The following CNTN5 variants were observed in gnomAD, a reference collection of about 807,000 sequenced individuals.
CNTN5 encodes the protein contactin-5.
Under a neutral mutation model 129.1 loss-of-function variants are expected in CNTN5, and 77 were observed. That is an observed-to-expected ratio of 0.60 (90% CI 0.50 to 0.72). The LOEUF is 0.72. Ranked by LOEUF, CNTN5 falls within the 30% of genes least tolerant of loss-of-function variation. CNTN5 has a pLI of 0.00. For missense variants in CNTN5, 1,478 were observed against 1,328.8 expected (o/e 1.11, Z -1.75); for synonymous variants, 509 against 465.6 (o/e 1.09, Z -1.20).
At chr11:99,517,532 C>A in intron 2 of CNTN5, among the ~76,000 whole-genome samples, 1 of 152,242 alleles carries the variant, frequency 6.6e-6, no homozygotes, top group Admixed American at 6.5e-5. Flanking sequence ...TATTCTATTT[C>A]TCTCCTAGAC....
chr11:100,308,583 T>C (rs1353545312), intron 21 of CNTN5, 115 bp downstream of exon 21: 2 of 1,428,364 alleles, frequency 1.4e-6, no homozygotes, highest in African/African-American at 2.9e-5. Flanking sequence ...GAAATTTTGC[T>C]CTATGTTAAA....
At chr11:100,153,494 TAATA>T (rs1246686924) in intron 13 of CNTN5, among the ~76,000 whole-genome samples, 1 of 152,070 alleles carries the variant, frequency 6.6e-6, no homozygotes, top group East Asian at 1.9e-4. Flanking sequence ...GTACAGCAAA[TAATA>T]AATCAGATTT....
chr11:100,301,355 GGTT>G (rs1951216223), intron 20 of CNTN5, among the ~76,000 whole-genome samples: 2 of 151,300 alleles, frequency 1.3e-5, no homozygotes, highest in Admixed American at 1.3e-4. Context: ...AGCCACCATG[GGTT>G]TTTTTACATT....
intron 3 of CNTN5, among the ~76,000 whole-genome samples, chr11:99,599,457 C>T (rs906184609): frequency 6.6e-6 from 1 of 151,998 alleles, no homozygotes; most frequent in East Asian, 1.9e-4. Context: ...ATCAAACATC[C>T]TTTAAGATGC....
intron 15 of CNTN5, among the ~76,000 whole-genome samples, chr11:100,214,544 T>C (rs2138597269): frequency 6.6e-6 from 1 of 152,304 alleles, no homozygotes; most frequent in South Asian, 2.1e-4. Context: ...CAGGTGACAA[T>C]GTTGCCAAAC....
At chr11:100,170,202 T>C (rs1191875915) in intron 13 of CNTN5, among the ~76,000 whole-genome samples, 1 of 152,012 alleles carries the variant, frequency 6.6e-6, no homozygotes, top group African/African-American at 2.4e-5. Flanking sequence ...TATTACCATC[T>C]CTCATTTTGC....
At chr11:99,797,281 A>G (rs1483856741) in intron 3 of CNTN5, among the ~76,000 whole-genome samples, 1 of 152,146 alleles carries the variant, frequency 6.6e-6, no homozygotes, top group Non-Finnish European at 1.5e-5. Flanking sequence ...AATGGGACTG[A>G]TAGGTGGAAT....
chr11:99,336,231 G>T (rs1565500192), intron 2 of CNTN5, among the ~76,000 whole-genome samples: 1 of 152,116 alleles, frequency 6.6e-6, no homozygotes, highest in East Asian at 1.9e-4. Flanking sequence ...TTGGTTAAGA[G>T]AATGTTTCAC....
At chr11:100,133,272 G>A (rs1263779797) in intron 13 of CNTN5, among the ~76,000 whole-genome samples, 1 of 152,088 alleles carries the variant, frequency 6.6e-6, no homozygotes, top group Non-Finnish European at 1.5e-5. Context: ...GCACAAAAAT[G>A]TACTGCCACC....
intron 3 of CNTN5, among the ~76,000 whole-genome samples, chr11:99,716,560 A>C (rs77215184): frequency 0.023 from 3,507 of 152,088 alleles, 47 homozygotes; most frequent in East Asian, 0.045. Context: ...CATCCTGCCT[A>C]GTCTCATCAG....
At chr11:99,741,902 G>T (rs1468335791) in intron 3 of CNTN5, among the ~76,000 whole-genome samples, 2 of 152,048 alleles carry the variant, frequency 1.3e-5, no homozygotes, top group Non-Finnish European at 1.5e-5. Flanking sequence ...CAGTAAGGTT[G>T]TAAGTACTAA....
chr11:99,810,970 T>C (rs1326575886), intron 3 of CNTN5, among the ~76,000 whole-genome samples: 7 of 152,160 alleles, frequency 4.6e-5, no homozygotes, highest in Admixed American at 3.3e-4. Flanking sequence ...AAGAATATTA[T>C]GCTCTCAAGA....
intron 13 of CNTN5, among the ~76,000 whole-genome samples, chr11:100,090,431 G>GCCTT (rs139636600): frequency 5.4e-5 from 8 of 147,148 alleles, no homozygotes; most frequent in South Asian, 2.2e-4. Context: ...CTGCCTGCCT[G>GCCTT]CCTTCCTTCC....
chr11:99,682,853 T>C (rs1431154359), intron 3 of CNTN5, among the ~76,000 whole-genome samples: 1 of 151,984 alleles, frequency 6.6e-6, no homozygotes, highest in Non-Finnish European at 1.5e-5. Flanking sequence ...TGTTGTTTCA[T>C]GTTGCTCATA....
intron 1 of CNTN5, among the ~76,000 whole-genome samples, chr11:99,062,933 G>A (rs1864947709): frequency 6.6e-6 from 1 of 152,028 alleles, no homozygotes; most frequent in Non-Finnish European, 1.5e-5. Context: ...AAGATACGGA[G>A]ATTAAGAACA....
At chr11:100,151,371 G>A (rs1947047494) in intron 13 of CNTN5, among the ~76,000 whole-genome samples, 1 of 152,074 alleles carries the variant, frequency 6.6e-6, no homozygotes, top group African/African-American at 2.4e-5. Flanking sequence ...AATCTTCATT[G>A]AGTCTATGTT....
At chr11:99,914,585 G>A (rs1394052870) in intron 6 of CNTN5, among the ~76,000 whole-genome samples, 1 of 152,054 alleles carries the variant, frequency 6.6e-6, no homozygotes, top group East Asian at 1.9e-4. Flanking sequence ...ACTGAAGTTA[G>A]TGTATATATT....
chr11:99,374,600 C>T (rs1289001938), intron 2 of CNTN5, among the ~76,000 whole-genome samples: 1 of 152,096 alleles, frequency 6.6e-6, no homozygotes, highest in African/African-American at 2.4e-5. Flanking sequence ...AGGAGAATGG[C>T]GTGAACCCAG....
intron 1 of CNTN5, among the ~76,000 whole-genome samples, chr11:99,182,413 C>A (rs1258453842): frequency 6.6e-5 from 10 of 152,040 alleles, no homozygotes; most frequent in Admixed American, 6.6e-4. Context: ...AGTAAAGATT[C>A]CTCTGGGGAT....
Sources: allele counts gnomAD v4.1 joint callset (sites outside exome capture counted in the v4.1 genomes callset), GRCh38; gene constraint gnomAD v4.1.1; transcripts MANE v1.5; gene names NCBI Gene and HGNC (gene_info 2026-07-23, HGNC 2026-07-21).